The following ST8SIA6 variants were observed in gnomAD, a reference collection of about 807,000 sequenced individuals.
ST8SIA6 encodes the protein ST8 alpha-N-acetyl-neuraminide alpha-2,8-sialyltransferase 6, also known as alpha-2,8-sialyltransferase 8F.
Under a neutral mutation model 33.6 loss-of-function variants are expected in ST8SIA6, and 39 were observed. The observed-to-expected ratio is 1.16, with a 90% CI of 0.90 to 1.52. The LOEUF (loss-of-function observed/expected upper bound fraction) is 1.52, where lower values mean the gene tolerates loss of function less well. Ranked by LOEUF, ST8SIA6 falls within the 40% of genes most tolerant of loss-of-function variation. ST8SIA6 has a pLI of 0.00. For missense variants in ST8SIA6, 441 were observed against 443.8 expected (o/e 0.99, Z 0.06); for synonymous variants, 172 against 167.2 (o/e 1.03, Z -0.22).
chr10:17,345,722 C>G (rs968496963), intron 4 of ST8SIA6, among the ~76,000 whole-genome samples: 1 of 152,032 alleles, frequency 6.6e-6, no homozygotes, highest in Non-Finnish European at 1.5e-5. Context: ...TGGGAGAGGG[C>G]AAAGCATTGA....
chr10:17,341,092 C>T (rs756495534), intron 4 of ST8SIA6, among the ~76,000 whole-genome samples: 1 of 152,236 alleles, frequency 6.6e-6, no homozygotes, highest in African/African-American at 2.4e-5. Context: ...GGAAGATTTA[C>T]AGGCTTTCAC....
At chr10:17,437,640 T>C (rs1852316624) in intron 2 of ST8SIA6, among the ~76,000 whole-genome samples, 1 of 136,478 alleles carries the variant, frequency 7.3e-6, no homozygotes, top group African/African-American at 2.8e-5. Flanking sequence ...CTTCCTTCCT[T>C]CCTTCCTTCC....
At chr10:17,426,316 A>C (rs1465961170) in intron 2 of ST8SIA6, among the ~76,000 whole-genome samples, 3 of 152,098 alleles carry the variant, frequency 2.0e-5, no homozygotes, top group Non-Finnish European at 1.5e-5. Flanking sequence ...TCCCTTTACC[A>C]ATGGGGTGAC....
At chr10:17,425,715 GGAAGGAAGGAA>G (rs1440445277) in intron 2 of ST8SIA6, among the ~76,000 whole-genome samples, 1 of 137,550 alleles carries the variant, frequency 7.3e-6, no homozygotes, top group East Asian at 3.4e-4. Context: ...AGGAAGGAAG[GGAAGGAAGGAA>G]GGAGGAAGGA....
chr10:17,334,018 GT>G (rs927696048), intron 4 of ST8SIA6, among the ~76,000 whole-genome samples: 52 of 144,200 alleles, frequency 3.6e-4, no homozygotes, highest in South Asian at 1.1e-3. Flanking sequence ...ACTGCACCTG[GT>G]TTTTTTTTTT....
At chr10:17,348,238 T>TG (rs1848915181) in intron 4 of ST8SIA6, among the ~76,000 whole-genome samples, 1 of 145,050 alleles carries the variant, frequency 6.9e-6, no homozygotes. Flanking sequence ...TTTTTTTTTT[T>TG]GCAGACTTTG....
At chr10:17,361,806 T>C (rs1039184091) in intron 3 of ST8SIA6, among the ~76,000 whole-genome samples, 1 of 150,970 alleles carries the variant, frequency 6.6e-6, no homozygotes, top group Non-Finnish European at 1.5e-5. Flanking sequence ...TCCAACAACA[T>C]GAAGAAAGGA....
chr10:17,374,666 A>C (rs1849841562), intron 3 of ST8SIA6, among the ~76,000 whole-genome samples: 1 of 151,180 alleles, frequency 6.6e-6, no homozygotes, highest in African/African-American at 2.4e-5. Flanking sequence ...GTGAGCGGAG[A>C]TCGTACCACT....
chr10:17,417,924 T>C (rs1204318135), intron 2 of ST8SIA6, among the ~76,000 whole-genome samples: 1 of 151,820 alleles, frequency 6.6e-6, no homozygotes, highest in Non-Finnish European at 1.5e-5. Context: ...TGTGAGGAGG[T>C]AGGGGAGGGA....
At chr10:17,389,888 C>T (rs1470193853) in intron 3 of ST8SIA6, among the ~76,000 whole-genome samples, 1 of 152,108 alleles carries the variant, frequency 6.6e-6, no homozygotes, top group East Asian at 1.9e-4. Context: ...GTGGTGCAGT[C>T]ATAGCTCACT....
chr10:17,362,688 TG>T (rs1231302072), intron 3 of ST8SIA6, among the ~76,000 whole-genome samples: 1 of 152,140 alleles, frequency 6.6e-6, no homozygotes, highest in Non-Finnish European at 1.5e-5. Context: ...CATGCTGATT[TG>T]TTTTCATTAA....
At chr10:17,434,405 A>T (rs2131725504) in intron 2 of ST8SIA6, among the ~76,000 whole-genome samples, 1 of 152,326 alleles carries the variant, frequency 6.6e-6, no homozygotes, top group East Asian at 1.9e-4. Context: ...AGGCTCTAAG[A>T]TAAGAGCACA....
At chr10:17,358,407 G>T (rs2131616074) in intron 4 of ST8SIA6, among the ~76,000 whole-genome samples, 1 of 152,266 alleles carries the variant, frequency 6.6e-6, no homozygotes, top group Non-Finnish European at 1.5e-5. Flanking sequence ...GAGTATTTTA[G>T]GGGAAAGCAA....
chr10:17,340,317 C>T (rs1038788140), intron 4 of ST8SIA6, among the ~76,000 whole-genome samples: 2 of 149,734 alleles, frequency 1.3e-5, no homozygotes, highest in East Asian at 3.9e-4. Flanking sequence ...TGAGTCACCC[C>T]TGGTCACCTG....
chr10:17,329,907 G>C (rs750046109), intron 5 of ST8SIA6, among the ~76,000 whole-genome samples: 4 of 152,170 alleles, frequency 2.6e-5, no homozygotes, highest in Non-Finnish European at 5.9e-5. Context: ...AGCCAAGTTT[G>C]TGGAGGAAGT....
chr10:17,430,361 G>T (rs566259142), intron 2 of ST8SIA6, among the ~76,000 whole-genome samples: 3 of 152,074 alleles, frequency 2.0e-5, no homozygotes, highest in East Asian at 3.9e-4. Context: ...ATAAACGTGT[G>T]TGCATGTGTA....
intron 4 of ST8SIA6, among the ~76,000 whole-genome samples, chr10:17,337,924 C>G (rs1187100403): frequency 6.6e-6 from 1 of 152,200 alleles, no homozygotes; most frequent in Admixed American, 6.5e-5. Flanking sequence ...CAGTAAATAT[C>G]CCCACCAGAT....
At chr10:17,383,275 C>A (rs1850220163) in intron 3 of ST8SIA6, among the ~76,000 whole-genome samples, 1 of 152,078 alleles carries the variant, frequency 6.6e-6, no homozygotes, top group South Asian at 2.1e-4. Context: ...TTTTTCTAAT[C>A]TAATTAATCC....
At chr10:17,389,046 C>G (rs186693734) in intron 3 of ST8SIA6, among the ~76,000 whole-genome samples, 20 of 152,242 alleles carry the variant, frequency 1.3e-4, no homozygotes, top group Non-Finnish European at 2.5e-4. Context: ...CCCCCAGACT[C>G]ATAATCTGGC....
Sources: gnomAD v4.1 joint callset for allele counts (sites outside exome capture counted in the v4.1 genomes callset) on GRCh38, gnomAD v4.1.1 for gene constraint, MANE v1.5 for transcripts, NCBI Gene and HGNC (gene_info 2026-07-23, HGNC 2026-07-21) for gene names.